EPHB6: variants seen among roughly 807,000 people sequenced by gnomAD.
EPHB6 encodes the protein EPH receptor B6.
EPHB6 carries 51 observed loss-of-function variants against 107.0 expected under a neutral mutation model. The observed-to-expected ratio is 0.48, with a 90% CI of 0.38 to 0.60. EPHB6 has a LOEUF of 0.60. Ranked by LOEUF, EPHB6 falls within the 20% of genes least tolerant of loss-of-function variation. The pLI, the probability that EPHB6 is intolerant of heterozygous loss-of-function variation, is 0.00. For missense variants in EPHB6, 1,141 were observed against 1,355.5 expected, an observed-to-expected ratio of 0.84 and a Z score of 2.48; for synonymous variants, 553 against 549.0, an observed-to-expected ratio of 1.01 and a Z score of -0.10.
At chr7:142,859,915 T>C (rs1802769619) in intron 1 of EPHB6, among the ~76,000 whole-genome samples, 1 of 152,214 alleles carries the variant, frequency 6.6e-6, no homozygotes, top group Non-Finnish European at 1.5e-5. Context: ...CTGGATCTTC[T>C]GGAGGGAGGC....
chr7:142,870,398 C>G lies in EPHB6; in HGVS notation c.2795C>G (p.Pro932Arg). The G allele has an allele frequency of 5.6e-6, 9 of 1,614,092 alleles. No individual in the cohort carries two copies. Among genetic ancestry groups the G allele is most frequent in the Non-Finnish European group, 6.8e-6 (8 of 1,180,036 alleles). Reference protein sequence around the residue: ...KPDTLQAGGDPGERPSQALLT... With the variant: ...KPDTLQAGGDRGERPSQALLT... ...GATACCCTGCAGGCTGGCGGGGACC[C>G]AGGGGAAAGGTCTGGAGCTTGGGGC... Residue 932 changes from proline to arginine, a missense_variant, in exon 18 of 20, where the codon CCA (proline) becomes CGA (arginine). Pro to Arg is a moderately radical substitution (Grantham distance 103, BLOSUM62 -2). Transcript: ENST00000652003.
chr7:142,869,688 A>T lies in EPHB6; in HGVS notation c.2461-129A>T. 4 of 1,085,216 alleles carry T rather than the reference A, an allele frequency of 3.7e-6. No homozygotes were observed. The South Asian group carries it at 4.1e-5, about 11-fold the overall frequency. The allele number at this position is 1,085,216 out of a possible 1,614,324, so 67.2% of individuals were successfully genotyped here. ...ATGGAGATGATATCATCCACCTTAG[A>T]GGGTTGTTATGAGGATTAAATGAGA... On this transcript the variant is annotated intron_variant, in intron 16 of 19. Transcript: ENST00000652003. The surrounding 1 kb of genome is among the most constrained non-coding windows in gnomAD (Gnocchi z 4.5).
At chr7:142,870,090 C>T in intron 17 of EPHB6, 124 bp downstream of exon 17, 1 of 1,578,740 alleles carries the variant, frequency 6.3e-7, no homozygotes, top group Non-Finnish European at 8.7e-7. Context: ...ATTGCCATAT[C>T]TTTGAGTTCC....
At chr7:142,861,698 T>C (rs1802849907) in intron 2 of EPHB6, among the ~76,000 whole-genome samples, 1 of 152,258 alleles carries the variant, frequency 6.6e-6, no homozygotes, top group African/African-American at 2.4e-5. Context: ...TGTCTTCCAA[T>C]TGATGGACAG....
Position 142,866,030 on chromosome 7 carries a change from G to T in EPHB6, c.1176G>T (p.Leu392=), listed in dbSNP as rs140024825. 109 of 1,613,436 alleles carry T rather than the reference G, an allele frequency of 6.8e-5. No individual in the cohort carries two copies. Among genetic ancestry groups the T allele is most frequent in the Non-Finnish European group, 8.6e-5 (101 of 1,179,802 alleles). Residue 392 remains leucine, a synonymous_variant, in exon 9 of 20, where the codon CTG becomes CTT. Coordinates refer to ENST00000652003, the MANE Select transcript of EPHB6 (RefSeq NM_004445.6). The surrounding 1 kb of genome is among the most constrained non-coding windows in gnomAD (Gnocchi z 5.2). ...QGSALMLHWR[L]PRELGGRGDL... is the part of the protein sequence containing the mutation. ...CAGCACTCATGCTACACTGGCGCCTGCCTCGGGAGCTGGGGGGTCGAGGGG... is the reference window on the plus strand; with the variant it reads ...CAGCACTCATGCTACACTGGCGCCTTCCTCGGGAGCTGGGGGGTCGAGGGG...
chr7:142,866,492 G>A lies in EPHB6; in HGVS notation c.1474G>A (p.Val492Ile). 2 of 1,614,134 alleles carry A rather than the reference G, an allele frequency of 1.2e-6. No homozygotes were observed. Among genetic ancestry groups the A allele is most frequent in the South Asian group, 2.2e-5 (2 of 91,074 alleles). The change falls in exon 10 of 20, where the codon GTC (valine) becomes ATC (isoleucine). Residue 492 changes from valine (V) to isoleucine (I), a missense_variant. Coordinates refer to ENST00000652003, the MANE Select transcript of EPHB6 (RefSeq NM_004445.6). This position sits in a 1 kb window ranked among gnomAD's most constrained non-coding sequence, Gnocchi z 5.2. Reference sequence around the variant, plus strand: ...CTTTTGCACTCTAGTGCCCTCTGCTGTCCCTGTGGTGCACCAGGTGAGCCG... The same window carrying A: ...CTTTTGCACTCTAGTGCCCTCTGCTATCCCTGTGGTGCACCAGGTGAGCCG... ...VSTSHEVPSAVPVVHQVSRAS... is the reference protein window; with the variant it reads ...VSTSHEVPSAIPVVHQVSRAS...
chr7:142,865,374 G>C (rs1051430082), intron 7 of EPHB6, 101 bp from the exon 8 acceptor site: 3 of 1,482,778 alleles, frequency 2.0e-6, no homozygotes, highest in Non-Finnish European at 1.9e-6. Context: ...ACCAGCTCTG[G>C]GGAAGAGAAG....
rs759845995 is a variant in EPHB6, at chr7:142,864,277, A to T, written c.477A>T (p.Ala159=). ...LKRWTKVDTI[A]ADESFPSSSS... ...GCTGGACCAAGGTGGACACAATTGC[A>T]GCAGACGAGAGCTTTCCCTCCTCCT... Residue 159 remains alanine (A), a synonymous_variant, in exon 7 of 20, where the codon GCA becomes GCT. Transcript: ENST00000652003. The T allele has an allele frequency of 3.7e-6, 6 of 1,608,580 alleles. No homozygotes were observed. Among genetic ancestry groups the T allele is most frequent in the Non-Finnish European group, 5.1e-6 (6 of 1,178,574 alleles).
rs559837014 is a variant in EPHB6, at chr7:142,866,136, T to C, written c.1282T>C (p.Cys428Arg). 5.6e-6 allele frequency: 9 copies of C among 1,613,906 alleles called. No individual in the cohort carries two copies. The Admixed American group carries it at 1.5e-4, about 27-fold the overall frequency. Reference sequence around the variant, plus strand: ...CGGTGGTGGGGGCACTTGTCACCGCTGCAGGGATGAGGTCCACTTCGACCC... The same window carrying C: ...CGGTGGTGGGGGCACTTGTCACCGCCGCAGGGATGAGGTCCACTTCGACCC... ...ASGGGGTCHR[C>R]RDEVHFDPRQ... Residue 428 changes from cysteine to arginine, a missense_variant, in exon 9 of 20, where the codon TGC (cysteine) becomes CGC (arginine). Physicochemically the swap from Cys to Arg is radical, Grantham distance 180. Around this residue, in one of 3 missense-constraint regions of EPHB6, gnomAD observed 304 missense variants for 295.7 expected, o/e 1.03. Coordinates refer to ENST00000652003, the MANE Select transcript of EPHB6 (RefSeq NM_004445.6). This position sits in a 1 kb window ranked among gnomAD's most constrained non-coding sequence, Gnocchi z 5.2.
In EPHB6 at chr7:142,865,649, C is replaced by T. The variant is rs1803117411; in HGVS notation, c.1105+19C>T. Reference sequence around the variant, plus strand: ...TGCACTGGTGAGTTCCTCACCCAGCCCTGCAATGGGAAAGAGACTTGGAGA... The same window carrying T: ...TGCACTGGTGAGTTCCTCACCCAGCTCTGCAATGGGAAAGAGACTTGGAGA... On this transcript the variant is annotated intron_variant, in intron 8 of 19. Transcript: ENST00000652003. 6.2e-7 allele frequency: 1 copy of T among 1,611,906 alleles called. No individual in the cohort carries two copies. Among genetic ancestry groups the T allele is most frequent in the Admixed American group, 1.7e-5 (1 of 59,942 alleles).
Position 142,869,754 on chromosome 7 carries a change from G to A in EPHB6, c.2461-63G>A. 2.5e-6 allele frequency: 4 copies of A among 1,575,908 alleles called. No individual in the cohort carries two copies. The highest frequency in any genetic ancestry group is 3.5e-6 in the Non-Finnish European group (4 of 1,150,000). On this transcript the variant is annotated intron_variant, in intron 16 of 19. Transcript: ENST00000652003. The surrounding 1 kb of genome is among the most constrained non-coding windows in gnomAD (Gnocchi z 4.5). ...CCTTGGCATATCTGAGCACATAGTA[G>A]TTGCTCAATAAACGTGACTATTACT...
At chr7:142,859,313 A>G (rs557065505) in intron 1 of EPHB6, among the ~76,000 whole-genome samples, 2 of 152,304 alleles carry the variant, frequency 1.3e-5, no homozygotes, top group East Asian at 1.9e-4. Flanking sequence ...CATGCCCACA[A>G]CCATTGAAGA....
At chr7:142,864,841 C>T (rs1803067248) in intron 7 of EPHB6, 92 bp downstream of exon 7, 1 of 1,488,384 alleles carries the variant, frequency 6.7e-7, no homozygotes, top group South Asian at 1.2e-5. Flanking sequence ...TTCATTTTAT[C>T]TGCAAAAGGT....
rs926622665 is a variant in EPHB6, at chr7:142,855,483, GC to G, written c.-432+102del. On this transcript the variant is annotated intron_variant, in intron 1 of 19. Coordinates refer to ENST00000652003, the MANE Select transcript of EPHB6 (RefSeq NM_004445.6). The surrounding 1 kb of genome is among the most constrained non-coding windows in gnomAD (Gnocchi z 4.2). ...TTTGCAAGAGTAGTGGGGCTCCTCA[GC>G]CCCTAGGTGGCTTCCTGAGGGAGTA... 1 of 152,318 alleles carries G rather than the reference GC, an allele frequency of 6.6e-6. No individual in the cohort carries two copies. The highest frequency in any genetic ancestry group is 1.5e-5 in the Non-Finnish European group (1 of 68,150). The allele number at this position is 152,318 out of a possible 1,614,324, so 9.4% of individuals were successfully genotyped here.
chr7:142,862,282 G>C (rs755040312), intron 3 of EPHB6, 149 bp downstream of exon 3: 4 of 152,112 alleles, frequency 2.6e-5, no homozygotes, highest in Non-Finnish European at 5.9e-5. Flanking sequence ...ATGAATGGAG[G>C]GGGGGCACAA....
rs377566090 is a variant in EPHB6 at position 142,870,919 on chromosome 7, G to A, written c.*15G>A. 28 of 1,607,820 alleles carry A rather than the reference G, an allele frequency of 1.7e-5. No homozygotes were observed. Among genetic ancestry groups the A allele is most frequent in the African/African-American group, 9.3e-5 (7 of 74,960 alleles). On this transcript the variant is annotated 3_prime_UTR_variant, in exon 20 of 20. Transcript: ENST00000652003. Reference sequence around the variant, plus strand: ...TGGAGGTCTGAGAATGACGATACCCGTGACTCAGCCCTGGACACTGGTCCG... The same window carrying A: ...TGGAGGTCTGAGAATGACGATACCCATGACTCAGCCCTGGACACTGGTCCG...
rs988669335 is a variant in EPHB6, at chr7:142,868,134, G to C, written c.1918+85G>C. On this transcript the variant is annotated intron_variant, in intron 13 of 19. Transcript: ENST00000652003. The surrounding 1 kb of genome is among the most constrained non-coding windows in gnomAD (Gnocchi z 4.2). ...GGCAAGGCTGGATCCCCCCAAGATT[G>C]GGGGAGCTCCTTGGCACAACCTTCT... The C allele has an allele frequency of 3.7e-6, 6 of 1,613,672 alleles. No individual in the cohort carries two copies. The South Asian group carries it at 6.6e-5, about 18-fold the overall frequency.
Position 142,867,801 on chromosome 7 carries a change from C to G in EPHB6, c.1865+79C>G, listed in dbSNP as rs1310489295. The G allele has an allele frequency of 6.8e-7, 1 of 1,465,278 alleles. No homozygotes were observed. The highest frequency in any genetic ancestry group is 9.3e-7 in the Non-Finnish European group (1 of 1,072,484). 90.8% of individuals were successfully genotyped at this position (1,465,278 alleles called of 1,614,324 possible). On this transcript the variant is annotated intron_variant, in intron 12 of 19. Coordinates refer to ENST00000652003, the MANE Select transcript of EPHB6 (RefSeq NM_004445.6). The surrounding 1 kb of genome is among the most constrained non-coding windows in gnomAD (Gnocchi z 5.3). ...ACCTCAAGTCCTGCCAAGTCTGGAGCCCCCTGCAGAAACCTCACACTGGTG... is the reference window on the plus strand; with the variant it reads ...ACCTCAAGTCCTGCCAAGTCTGGAGGCCCCTGCAGAAACCTCACACTGGTG...
rs764543712 is a variant in EPHB6 at position 142,870,911 on chromosome 7, C to T, written c.*7C>T. 17 of 1,610,404 alleles carry T rather than the reference C, an allele frequency of 1.1e-5. No individual in the cohort carries two copies. The highest frequency in any genetic ancestry group is 2.2e-5 in the South Asian group (2 of 90,980). ...GGGCTCAGTGGAGGTCTGAGAATGA[C>T]GATACCCGTGACTCAGCCCTGGACA... On this transcript the variant is annotated 3_prime_UTR_variant, in exon 20 of 20. Transcript: ENST00000652003.
Sources: allele counts gnomAD v4.1 joint callset (sites outside exome capture counted in the v4.1 genomes callset), GRCh38; gene constraint gnomAD v4.1.1; regional missense constraint gnomAD v4.1.1; non-coding constraint Gnocchi (gnomAD v3.1); transcripts MANE v1.5; gene names NCBI Gene and HGNC (gene_info 2026-07-23, HGNC 2026-07-21).